PCDH15: variants seen among roughly 807,000 people sequenced by gnomAD.
PCDH15 encodes the protein protocadherin related 15, also known as protocadherin-15.
In PCDH15, 129 loss-of-function variants were observed where a neutral mutation model predicts 178.5. The observed-to-expected ratio is 0.72, with a 90% CI of 0.63 to 0.84. The LOEUF is 0.84. Among genes scored for constraint, PCDH15 ranks in the 40% least tolerant of loss-of-function variants. PCDH15 has a pLI of 0.00. For synonymous variants in PCDH15, 800 were observed against 732.0 expected, an observed-to-expected ratio of 1.09 and a Z score of -1.50; for missense variants, 2,230 against 2,099.9, an observed-to-expected ratio of 1.06 and a Z score of -1.21.
intron 16 of PCDH15, among the ~76,000 whole-genome samples, chr10:54,079,824 A>C (rs2094407643): frequency 6.6e-6 from 1 of 152,160 alleles, no homozygotes; most frequent in Admixed American, 6.5e-5. Context: ...TCACCTCCCA[A>C]TTTATGTCAT....
At chr10:55,082,476 C>T (rs942422825) in intron 2 of PCDH15, among the ~76,000 whole-genome samples, 3 of 150,084 alleles carry the variant, frequency 2.0e-5, no homozygotes, top group Non-Finnish European at 4.5e-5. Flanking sequence ...ATGTTAAATA[C>T]ACAACCTAAC....
chr10:54,395,716 C>T (rs1175266258), intron 3 of PCDH15, among the ~76,000 whole-genome samples: 1 of 151,476 alleles, frequency 6.6e-6, no homozygotes, highest in Non-Finnish European at 1.5e-5. Flanking sequence ...AATATACTGA[C>T]TGCCTTATAA....
chr10:55,499,824 C>T (rs974437606), intron 2 of PCDH15, among the ~76,000 whole-genome samples: 2 of 151,528 alleles, frequency 1.3e-5, no homozygotes, highest in African/African-American at 4.8e-5. Flanking sequence ...TATTTGGTAA[C>T]AGTTCCTTTT....
At chr10:55,436,933 CT>C (rs1839055233) in intron 2 of PCDH15, among the ~76,000 whole-genome samples, 2 of 152,106 alleles carry the variant, frequency 1.3e-5, no homozygotes, top group South Asian at 2.1e-4. Flanking sequence ...TAAAAATGTT[CT>C]CGTTGATTTC....
chr10:55,428,264 T>C (rs981056077), intron 2 of PCDH15, among the ~76,000 whole-genome samples: 1 of 151,984 alleles, frequency 6.6e-6, no homozygotes, highest in Non-Finnish European at 1.5e-5. Context: ...GAAATTATCA[T>C]TGAAATTTAA....
intron 2 of PCDH15, among the ~76,000 whole-genome samples, chr10:55,487,083 A>G (rs1187685281): frequency 6.6e-6 from 1 of 151,682 alleles, no homozygotes; most frequent in Non-Finnish European, 1.5e-5. Flanking sequence ...TACAGTATAA[A>G]GACATCCTGC....
intron 13 of PCDH15, among the ~76,000 whole-genome samples, chr10:54,155,393 C>T (rs2045004337): frequency 6.6e-6 from 1 of 152,072 alleles, no homozygotes; most frequent in African/African-American, 2.4e-5. Flanking sequence ...TCAGGGAACA[C>T]AATTAGCTCT....
At chr10:55,033,713 T>A (rs1453329581) in intron 2 of PCDH15, among the ~76,000 whole-genome samples, 1 of 151,856 alleles carries the variant, frequency 6.6e-6, no homozygotes, top group East Asian at 1.9e-4. Context: ...AAGTAAAGAG[T>A]TTTTGGAGCT....
chr10:54,612,087 T>C (rs2092980442), intron 2 of PCDH15, among the ~76,000 whole-genome samples: 1 of 151,882 alleles, frequency 6.6e-6, no homozygotes, highest in African/African-American at 2.4e-5. Context: ...ATAGTTCTAG[T>C]GGCTTTGGCA....
chr10:54,612,874 T>A (rs1183057216), intron 2 of PCDH15, among the ~76,000 whole-genome samples: 1 of 151,808 alleles, frequency 6.6e-6, no homozygotes, highest in Non-Finnish European at 1.5e-5. Context: ...CATCTTAATA[T>A]TTATGTTTTT....
At chr10:55,058,724 C>T (rs1222028601) in intron 2 of PCDH15, among the ~76,000 whole-genome samples, 4 of 152,120 alleles carry the variant, frequency 2.6e-5, no homozygotes, top group Admixed American at 6.6e-5. Flanking sequence ...GAAATATTCT[C>T]TCCTATATCA....
At chr10:53,867,868 G>T (rs80187458) in intron 26 of PCDH15, among the ~76,000 whole-genome samples, 1 of 151,886 alleles carries the variant, frequency 6.6e-6, no homozygotes, top group Admixed American at 6.6e-5. Flanking sequence ...AATACTATCC[G>T]ACTTCCTTTT....
intron 2 of PCDH15, among the ~76,000 whole-genome samples, chr10:55,510,985 A>C (rs939249586): frequency 6.6e-6 from 1 of 151,292 alleles, no homozygotes; most frequent in Admixed American, 6.6e-5. Flanking sequence ...TCAACCTCCC[A>C]AGTAGCTGGG....
chr10:54,273,951 A>C (rs2058195490), intron 8 of PCDH15, among the ~76,000 whole-genome samples: 1 of 152,108 alleles, frequency 6.6e-6, no homozygotes, highest in Non-Finnish European at 1.5e-5. Context: ...CATACTATGC[A>C]GCTATAAAAA....
In PCDH15 at chr10:54,913,603, A is replaced by T. The variant is rs12354935; in HGVS notation, c.-79-16103T>A. Among the ~76,000 whole-genome samples the T allele has an allele frequency of 1.4e-3, 209 of 152,270 alleles. 2 individuals are homozygous for T. The highest frequency in any genetic ancestry group is 4.8e-3 in the African/African-American group (201 of 41,566). ...GGTGAAGCTGTGAGAAGAGGGCCATAGTCCTAAAGATTCCAGAATGGTAGA... is the reference window on the plus strand; with the variant it reads ...GGTGAAGCTGTGAGAAGAGGGCCATTGTCCTAAAGATTCCAGAATGGTAGA... On this transcript the variant is annotated intron_variant, in intron 2 of 5. Coordinates refer to the PCDH15 transcript ENST00000458638.
At chr10:54,798,204 C>G (rs1365107178) in intron 1 of PCDH15, among the ~76,000 whole-genome samples, 2 of 151,206 alleles carry the variant, frequency 1.3e-5, no homozygotes, top group Non-Finnish European at 2.9e-5. Flanking sequence ...TTTCCTCACT[C>G]AAAATTGACT....
intron 2 of PCDH15, among the ~76,000 whole-genome samples, chr10:55,356,088 T>C (rs761061056): frequency 4.6e-5 from 7 of 151,892 alleles, no homozygotes; most frequent in Non-Finnish European, 8.8e-5. Flanking sequence ...ATTCTACTAA[T>C]TCCGACACAA....
intron 18 of PCDH15, among the ~76,000 whole-genome samples, chr10:54,039,355 T>G (rs1055426756): frequency 2.0e-5 from 3 of 151,928 alleles, no homozygotes. Context: ...CTCTGAATTA[T>G]TTTCATGATG....
intron 3 of PCDH15, among the ~76,000 whole-genome samples, chr10:54,842,527 A>G (rs560071035): frequency 3.3e-5 from 5 of 152,016 alleles, no homozygotes; most frequent in Admixed American, 1.3e-4. Context: ...ATTTTAAAAT[A>G]TGTTTTGAAA....
Sources: gnomAD v4.1 joint callset for allele counts (sites outside exome capture counted in the v4.1 genomes callset) on GRCh38, gnomAD v4.1.1 for gene constraint, MANE v1.5 for transcripts, NCBI Gene and HGNC (gene_info 2026-07-23, HGNC 2026-07-21) for gene names.